LRRK2: variants seen among roughly 807,000 people sequenced by gnomAD.
LRRK2 encodes the protein leucine-rich repeat serine/threonine-protein kinase 2.
In LRRK2, 203 loss-of-function variants were observed where a neutral mutation model predicts 302.6. The ratio of observed to expected loss-of-function variants is 0.67; its 90% confidence interval spans 0.60 to 0.75. The LOEUF (loss-of-function observed/expected upper bound fraction) is 0.75, where lower values mean the gene tolerates loss of function less well. Among genes scored for constraint, LRRK2 ranks in the 30% least tolerant of loss-of-function variants. LRRK2 has a pLI of 0.00. For missense variants in LRRK2, 2,830 were observed against 2,951.0 expected (o/e 0.96, Z 0.95); for synonymous variants, 1,066 against 1,031.9 (o/e 1.03, Z -0.63).
At chr12:40,284,960 G>A (rs1011263742) in intron 19 of LRRK2, among the ~76,000 whole-genome samples, 1 of 152,092 alleles carries the variant, frequency 6.6e-6, no homozygotes, top group African/African-American at 2.4e-5. Context: ...AAAACTGAGT[G>A]CTGCTAGAGA....
Position 40,363,540 on chromosome 12 carries a change from C to T in LRRK2, c.7167C>T (p.Cys2389=), listed in dbSNP as rs780498854. 40 of 1,611,310 alleles carry T rather than the reference C, an allele frequency of 2.5e-5. No homozygotes were observed. Among genetic ancestry groups the T allele is most frequent in the South Asian group, 7.7e-5 (7 of 91,040 alleles). The change falls in exon 48 of 51, where the codon TGC becomes TGT. Residue 2389 remains cysteine (C), a synonymous_variant. Transcript: ENST00000298910. ...AAAAACTCTGTGGACTAATAGACTG[C>T]GTGCACTTTTTAAGGTAAATTCTGT... is the stretch of plus-strand genomic sequence containing the variant. The part of the protein sequence containing the change: ...KTEKLCGLID[C]VHFLREVMVK...
At chr12:40,258,830 G>T (rs1942640065) in intron 12 of LRRK2, among the ~76,000 whole-genome samples, 2 of 152,154 alleles carry the variant, frequency 1.3e-5, no homozygotes, top group Non-Finnish European at 1.5e-5. Flanking sequence ...CATGCAAAGT[G>T]AGAACATGGT....
intron 21 of LRRK2, among the ~76,000 whole-genome samples, chr12:40,294,548 AG>A (rs1225618640): frequency 6.6e-6 from 1 of 152,068 alleles, no homozygotes; most frequent in Non-Finnish European, 1.5e-5. Flanking sequence ...AGTTATAAAA[AG>A]TAGTTTGGTT....
rs1356131541 is a variant in LRRK2, at chr12:40,368,807, A to T, written c.*1042A>T. ...AGCTTTAGTTATGATGGATAAAAAT[A>T]TCTGCCACCCTAGGCTTCCAAATTA... On this transcript the variant is annotated 3_prime_UTR_variant, in exon 51 of 51. Coordinates refer to ENST00000298910, the MANE Select transcript of LRRK2 (RefSeq NM_198578.4). 2 of 151,974 alleles carry T rather than the reference A, an allele frequency of 1.3e-5. No homozygotes were observed. Among genetic ancestry groups the T allele is most frequent in the African/African-American group, 4.8e-5 (2 of 41,516 alleles). 9.4% of individuals were successfully genotyped at this position (151,974 alleles called of 1,614,324 possible). A position where few individuals can be genotyped will look rare whatever the true frequency, so the allele number is the denominator to read the frequency against.
intron 33 of LRRK2, chr12:40,316,398 A>G: frequency 1.1e-6 from 1 of 923,284 alleles, no homozygotes; most frequent in African/African-American, 1.8e-5. Flanking sequence ...AGTTATTACT[A>G]TTTTGGTAGG....
chr12:40,327,465 C>G (rs1421665297), intron 38 of LRRK2, among the ~76,000 whole-genome samples: 1 of 152,160 alleles, frequency 6.6e-6, no homozygotes, highest in Non-Finnish European at 1.5e-5. Flanking sequence ...CTCAGATGTA[C>G]TATTCAGCCA....
At chr12:40,353,597 G>A (rs559093574) in intron 44 of LRRK2, among the ~76,000 whole-genome samples, 2 of 152,270 alleles carry the variant, frequency 1.3e-5, no homozygotes, top group South Asian at 4.1e-4. Context: ...CCGGGCAGAG[G>A]CTGCAATCTC....
intron 24 of LRRK2, 35 bp from the exon 25 acceptor site, chr12:40,299,073 AT>A (rs1157330956): frequency 6.2e-7 from 1 of 1,605,472 alleles, no homozygotes; most frequent in African/African-American, 1.3e-5. Context: ...ATATGAATTT[AT>A]GCAATTTAAT....
chr12:40,364,914 C>A lies in LRRK2; in HGVS notation c.7254C>A (p.Cys2418Ter), dbSNP rs369151534. Residue 2418 changes from cysteine (C) to a stop codon, truncating the protein, a stop_gained, in exon 49 of 51, where the codon TGC becomes TGA. Transcript: ENST00000298910. LOFTEE classifies it high-confidence loss of function. ...ATTCTGGGAGAGTGAAAACCCTCTG[C>A]CTTCAGAAGAACACTGCTCTTTGGA... ...MSYSGRVKTLCLQKNTALWIG... is the reference protein window; with the variant it reads ...MSYSGRVKTL The A allele has an allele frequency of 2.5e-6, 4 of 1,612,376 alleles. No homozygotes were observed. In the African/African-American group the frequency reaches 5.3e-5, roughly 22 times the overall value.
chr12:40,303,882 G>A (rs781597979), intron 26 of LRRK2, 66 bp from the exon 27 acceptor site: 152 of 1,469,240 alleles, frequency 1.0e-4, no homozygotes, highest in Non-Finnish European at 1.4e-4. Flanking sequence ...AAAATTATTT[G>A]TGATGTTATT....
chr12:40,263,679 C>A, intron 13 of LRRK2, 110 bp from the exon 14 acceptor site: 1 of 725,012 alleles, frequency 1.4e-6, no homozygotes, highest in Non-Finnish European at 2.3e-6. Context: ...GAAAAAAGTA[C>A]AACACATATA....
chr12:40,235,424 T>G (rs1592139534), intron 3 of LRRK2, among the ~76,000 whole-genome samples: 1 of 152,192 alleles, frequency 6.6e-6, no homozygotes, highest in African/African-American at 2.4e-5. Context: ...TTCAGTGAGC[T>G]ATGATTGCAC....
chr12:40,293,756 T>C, intron 21 of LRRK2, 93 bp downstream of exon 21: 1 of 841,834 alleles, frequency 1.2e-6, no homozygotes, highest in Non-Finnish European at 2.0e-6. Context: ...GAACAATTGG[T>C]AGGGATTTCC....
intron 41 of LRRK2, 104 bp from the exon 42 acceptor site, chr12:40,346,649 C>A (rs1341288743): frequency 2.9e-6 from 3 of 1,043,468 alleles, no homozygotes; most frequent in Admixed American, 2.1e-5. Context: ...TTTAGAACAT[C>A]TCTTCCTGAC....
At chr12:40,351,138 A>G (rs930477038) in intron 43 of LRRK2, among the ~76,000 whole-genome samples, 5 of 152,194 alleles carry the variant, frequency 3.3e-5, no homozygotes, top group East Asian at 1.9e-4. Context: ...GTTACCAAAG[A>G]CTGAAATTCC....
At chr12:40,277,849 T>C (rs1565704976) in intron 16 of LRRK2, 39 bp from the exon 17 acceptor site, 1 of 1,525,892 alleles carries the variant, frequency 6.6e-7, no homozygotes, top group Non-Finnish European at 8.9e-7. Context: ...ATTTTGCCTG[T>C]AATTGCTTAT....
intron 31 of LRRK2, 138 bp from the exon 32 acceptor site, chr12:40,313,834 T>C: frequency 4.5e-6 from 3 of 665,510 alleles, no homozygotes; most frequent in East Asian, 2.8e-5. Context: ...CTTTTTATTA[T>C]ATTTTGATTT....
chr12:40,251,100 A>G, intron 8 of LRRK2, 132 bp from the exon 9 acceptor site: 3 of 573,406 alleles, frequency 5.2e-6, no homozygotes, highest in Non-Finnish European at 8.9e-6. Flanking sequence ...TTATCTTTAT[A>G]ATTGACCAAG....
intron 23 of LRRK2, 74 bp downstream of exon 23, chr12:40,295,718 A>C: frequency 7.1e-7 from 1 of 1,411,304 alleles, no homozygotes; most frequent in South Asian, 1.2e-5. Context: ...TTGCATAATT[A>C]AGTCGTTTAA....
Sources: allele counts gnomAD v4.1 joint callset (sites outside exome capture counted in the v4.1 genomes callset), GRCh38; gene constraint gnomAD v4.1.1; transcripts MANE v1.5; gene names NCBI Gene and HGNC (gene_info 2026-07-23, HGNC 2026-07-21).